Variants in DLAT observed in about 807,000 individuals in gnomAD.
DLAT encodes dihydrolipoamide S-acetyltransferase, also known as dihydrolipoyllysine-residue acetyltransferase component of pyruvate dehydrogenase complex, mitochondrial.
A neutral mutation model predicts 68.0 loss-of-function variants in DLAT; 43 were observed. The ratio of observed to expected loss-of-function variants is 0.63; its 90% CI spans 0.50 to 0.81. DLAT has a LOEUF of 0.81. Among genes scored for constraint, DLAT ranks in the 40% least tolerant of loss-of-function variants. DLAT has a pLI of 0.00. For missense variants in DLAT, 745 were observed against 815.4 expected (o/e 0.91, Z 1.05); for synonymous variants, 265 against 288.6 (o/e 0.92, Z 0.83).
intron 9 of DLAT, 25 bp from the exon 10 acceptor site, chr11:112,045,838 A>AT (rs1863287534): frequency 1.3e-6 from 2 of 1,488,804 alleles, no homozygotes; most frequent in African/African-American, 1.4e-5. Flanking sequence ...AAGATAATTG[A>AT]TTTTTTAAAT....
rs61757217 is a variant in DLAT at position 112,025,527 on chromosome 11, G to C, written c.55G>C (p.Glu19Gln). Residue 19 changes from glutamate (E) to glutamine (Q), a missense_variant, in exon 1 of 14, where the codon GAG becomes CAG. Glu to Gln is a conservative substitution (Grantham distance 29, BLOSUM62 2). Coordinates refer to ENST00000280346, the MANE Select transcript of DLAT (RefSeq NM_001931.5). ...GAATGTAGCCCCATGGGCGGGACTC[G>C]AGGCTCGGTGGACGGCCTTGCAGGA... ...AQNVAPWAGL[E>Q]ARWTALQEVP... The C allele has an allele frequency of 8.3e-3, 13,356 of 1,614,048 alleles. 70 individuals carry two copies. Among genetic ancestry groups the C allele is most frequent in the Middle Eastern group, 0.025 (151 of 6,052 alleles).
rs587698602 is a variant in DLAT, at chr11:112,034,624, A to G, written c.787+1094A>G. Among the ~76,000 whole-genome samples, 216 of 150,832 alleles carry G rather than the reference A, an allele frequency of 1.4e-3. 1 individual carries two copies. The highest frequency in any genetic ancestry group is 4.0e-3 in the Admixed American group (60 of 15,098). The stretch of plus-strand genomic sequence containing the variant: ...CGCCTGGCTAATTTTTTGTATTTTT[A>G]GTAGAGATGGGGTTTCACTGTGTTA... On this transcript the variant is annotated intron_variant, in intron 5 of 13. Coordinates refer to ENST00000280346, the MANE Select transcript of DLAT (RefSeq NM_001931.5).
intron 13 of DLAT, 116 bp downstream of exon 13, chr11:112,061,290 A>G (rs587743982): frequency 1.2e-4 from 128 of 1,043,472 alleles, no homozygotes; most frequent in South Asian, 1.1e-3. Flanking sequence ...GTGATCCACA[A>G]TGCTCAAGTC....
chr11:112,029,018 A>G (rs1434995009), intron 4 of DLAT, 73 bp downstream of exon 4: 6 of 1,530,716 alleles, frequency 3.9e-6, no homozygotes, highest in Non-Finnish European at 5.4e-6. Context: ...GATGGCTACT[A>G]CATCTTGGAA....
chr11:112,051,232 A>G lies in DLAT; in HGVS notation c.1399-2A>G. 1 of 1,589,898 alleles carries G rather than the reference A, an allele frequency of 6.3e-7. No homozygotes were observed. Among genetic ancestry groups the G allele is most frequent in the Non-Finnish European group, 8.6e-7 (1 of 1,161,244 alleles). On this transcript the variant is annotated splice_acceptor_variant, in intron 10 of 13. Transcript: ENST00000280346. LOFTEE classifies it high-confidence loss of function. The surrounding 1 kb of genome is among the most constrained non-coding windows in gnomAD (Gnocchi z 4.3). ...AAACTACAGTTCTTCTTGTCTTTCC[A>G]GATATTAGAAGGGAGAAGCAAAATT...
In DLAT at chr11:112,064,031, C is replaced by A; in HGVS notation, c.*1496C>A. 1.4e-6 allele frequency: 1 copy of A among 712,528 alleles called. No individual in the cohort carries two copies. Among genetic ancestry groups the A allele is most frequent in the Non-Finnish European group, 2.2e-6 (1 of 453,438 alleles). 44.1% of individuals were successfully genotyped at this position (712,528 alleles called of 1,614,324 possible). On this transcript the variant is annotated 3_prime_UTR_variant, in exon 14 of 14. Transcript: ENST00000280346. ...TCCATATATTCCACACAGACTTTTA[C>A]CTTGCTGTATTATTATGAAAACAAT...
intron 4 of DLAT, chr11:112,030,163 T>C (rs1228141641): frequency 1.5e-6 from 1 of 658,310 alleles, no homozygotes; most frequent in Non-Finnish European, 2.9e-6. Flanking sequence ...AAATCCTTTA[T>C]GACCCTGTGG....
intron 6 of DLAT, among the ~76,000 whole-genome samples, chr11:112,038,476 G>A (rs1478204789): frequency 1.3e-5 from 2 of 151,474 alleles, no homozygotes; most frequent in Admixed American, 1.3e-4. Flanking sequence ...TGGGATTACA[G>A]GTGTGAGCCA....
intron 4 of DLAT, chr11:112,029,802 A>G: frequency 1.9e-6 from 1 of 534,216 alleles, no homozygotes; most frequent in Non-Finnish European, 3.7e-6. Context: ...AACACCACCA[A>G]GAAGGGAAGG....
chr11:112,059,626 C>T (rs1414804494), intron 11 of DLAT, among the ~76,000 whole-genome samples: 1 of 152,168 alleles, frequency 6.6e-6, no homozygotes. Flanking sequence ...CTACTGACTT[C>T]AAGTGATCCG....
chr11:112,037,102 T>A (rs782348980), intron 5 of DLAT, among the ~76,000 whole-genome samples, 171 bp from the exon 6 acceptor site: 2 of 152,200 alleles, frequency 1.3e-5, no homozygotes, highest in Non-Finnish European at 2.9e-5. Flanking sequence ...GTACTATTAT[T>A]ATCCCCGTAT....
At chr11:112,026,499 A>G (rs2137680913) in intron 2 of DLAT, among the ~76,000 whole-genome samples, 200 bp downstream of exon 2, 1 of 152,086 alleles carries the variant, frequency 6.6e-6, no homozygotes, top group East Asian at 1.9e-4. Context: ...GTCCCTGGGT[A>G]CTTGAGATTA....
chr11:112,055,466 G>T (rs1302329600), intron 11 of DLAT, among the ~76,000 whole-genome samples: 1 of 151,636 alleles, frequency 6.6e-6, no homozygotes, highest in Admixed American at 6.6e-5. Flanking sequence ...GGATGGTCTC[G>T]ATCTCCTGAC....
intron 7 of DLAT, among the ~76,000 whole-genome samples, chr11:112,040,680 C>CT (rs1232797621): frequency 1.4e-4 from 21 of 151,732 alleles, no homozygotes; most frequent in African/African-American, 4.4e-4. Flanking sequence ...TTGGAAGATT[C>CT]TTTTTTTTCC....
Position 112,051,226 on chromosome 11 carries a change from C to T in DLAT, c.1399-8C>T. 6.4e-7 allele frequency: 1 copy of T among 1,562,722 alleles called. No individual in the cohort carries two copies. The highest frequency in any genetic ancestry group is 8.8e-7 in the Non-Finnish European group (1 of 1,137,514). On this transcript the variant is annotated splice_region_variant and splice_polypyrimidine_tract_variant and intron_variant, in intron 10 of 13. Transcript: ENST00000280346. This position sits in a 1 kb window ranked among gnomAD's most constrained non-coding sequence, Gnocchi z 4.3. The stretch of plus-strand genomic sequence containing the variant: ...AAGAAGAAACTACAGTTCTTCTTGT[C>T]TTTCCAGATATTAGAAGGGAGAAGC...
chr11:112,027,039 G>A (rs1386563754), intron 2 of DLAT, among the ~76,000 whole-genome samples: 7 of 150,410 alleles, frequency 4.7e-5, no homozygotes, highest in Non-Finnish European at 8.9e-5. Flanking sequence ...CCTGGCGGGG[G>A]CTGACCCCCA....
Position 112,039,322 on chromosome 11 carries a change from A to G in DLAT, c.1054A>G (p.Lys352Glu). 1 of 1,614,120 alleles carries G rather than the reference A, an allele frequency of 6.2e-7. No individual in the cohort carries two copies. Among genetic ancestry groups the G allele is most frequent in the Non-Finnish European group, 8.5e-7 (1 of 1,180,018 alleles). Residue 352 changes from lysine (K) to glutamate (E), a missense_variant, in exon 7 of 14, where the codon AAG becomes GAG. By Grantham distance (56) the Lys-to-Glu change is moderately conservative (BLOSUM62 1). Coordinates refer to ENST00000280346, the MANE Select transcript of DLAT (RefSeq NM_001931.5). ...CTGCCCAGCTACTCCTGCTGGACCAAAGGGAAGGGTGTTTGTTAGCCCTCT... is the reference window on the plus strand; with the variant it reads ...CTGCCCAGCTACTCCTGCTGGACCAGAGGGAAGGGTGTTTGTTAGCCCTCT... The part of the protein sequence containing the change: ...APCPATPAGP[K>E]GRVFVSPLAK...
chr11:112,048,969 ATTTTTTTTTTTTT>A lies in DLAT; in HGVS notation c.1399-2250_1399-2238del, dbSNP rs34651095. On this transcript the variant is annotated intron_variant, in intron 10 of 13. Transcript: ENST00000280346. ...GTCATCTTTGTTCTTTTTTCTCAAG[ATTTTTTTTTTTTT>A]TTTTTTTTTTTTTTAAAGACAGAGT... 2.0e-4 allele frequency among the ~76,000 whole-genome samples: 19 copies of A among 93,670 alleles called. No individual in the cohort carries two copies. The South Asian group carries it at 4.4e-3, about 22-fold the overall frequency. The allele number at this position is 93,670 out of a possible 152,430, so 61.5% of individuals were successfully genotyped here. A position where few individuals can be genotyped will look rare whatever the true frequency, so the allele number is the denominator to read the frequency against.
rs1555180109 is a variant in DLAT at position 112,033,404 on chromosome 11, G to A, written c.661G>A (p.Val221Ile). 2.5e-6 allele frequency: 4 copies of A among 1,613,452 alleles called. No individual in the cohort carries two copies. The highest frequency in any genetic ancestry group is 3.4e-6 in the Non-Finnish European group (4 of 1,179,656). ...CAATAATATGTGTTTGTTTCTGCAG[G>A]TACTTCTTCCTGCCCTCTCTCCCAC... ...PGSSYPPHMQ[V>I]LLPALSPTMT... is the part of the protein sequence containing the mutation. The change falls in exon 5 of 14, where the codon GTA becomes ATA. Residue 221 changes from valine (V) to isoleucine (I), a missense_variant and splice_region_variant. Transcript: ENST00000280346.
Sources: allele counts gnomAD v4.1 joint callset (sites outside exome capture counted in the v4.1 genomes callset), GRCh38; gene constraint gnomAD v4.1.1; non-coding constraint Gnocchi (gnomAD v3.1); transcripts MANE v1.5; gene names NCBI Gene and HGNC (gene_info 2026-07-23, HGNC 2026-07-21).